Variants in UNC80 observed in about 807,000 individuals in gnomAD.
UNC80 encodes the protein protein unc-80 homolog.
A neutral mutation model predicts 384.6 loss-of-function variants in UNC80; 164 were observed. The observed-to-expected ratio is 0.43, with a 90% confidence interval of 0.38 to 0.49. UNC80 has a LOEUF of 0.49. Among genes scored for constraint, UNC80 ranks in the 20% least tolerant of loss-of-function variants. UNC80 has a pLI of 0.00. For missense variants in UNC80, 3,330 were observed against 4,143.0 expected (o/e 0.80, Z 5.39); for synonymous variants, 1,486 against 1,527.8 (o/e 0.97, Z 0.64).
At chr2:209,877,172 T>C (rs1001894894) in intron 23 of UNC80, among the ~76,000 whole-genome samples, 1 of 152,156 alleles carries the variant, frequency 6.6e-6, no homozygotes, top group African/African-American at 2.4e-5. Context: ...TTGCATGCAG[T>C]ATATAATTGG....
chr2:209,960,293 C>A (rs1047325322), intron 51 of UNC80, among the ~76,000 whole-genome samples: 7 of 152,206 alleles, frequency 4.6e-5, no homozygotes, highest in Non-Finnish European at 1.0e-4. Flanking sequence ...ACATGTTTTA[C>A]TCTTAGTGTG....
chr2:209,871,855 G>C (rs576994042), intron 22 of UNC80, among the ~76,000 whole-genome samples: 20 of 147,664 alleles, frequency 1.4e-4, no homozygotes, highest in Middle Eastern at 3.6e-3. Context: ...ACAAGGTGGA[G>C]CCATGTCTTT....
chr2:209,938,446 A>G lies in UNC80; in HGVS notation c.6465+816A>G, dbSNP rs376661207. On this transcript the variant is annotated intron_variant, in intron 42 of 64. Transcript: ENST00000673920. ...TCTTCATGAAATGGGTGAGCATCGC[A>G]TAGAATTAGACCACTTAAGTAATTA... Among the ~76,000 whole-genome samples, 19 of 152,344 alleles carry G rather than the reference A, an allele frequency of 1.2e-4. 1 individual carries two copies. In the East Asian group the frequency reaches 3.7e-3, roughly 29 times the overall value.
At chr2:209,973,296 CTGTT>C (rs1415984020) in intron 56 of UNC80, 26 bp downstream of exon 56, 4 of 1,488,426 alleles carry the variant, frequency 2.7e-6, no homozygotes, top group Admixed American at 2.0e-5. Context: ...CTCTCTCTCT[CTGTT>C]TGTGCATGTG....
chr2:209,814,986 AAGAG>A, intron 8 of UNC80, among the ~76,000 whole-genome samples: 1 of 152,122 alleles, frequency 6.6e-6, no homozygotes, highest in South Asian at 2.1e-4. Context: ...TTAAAAAAAA[AAGAG>A]AGATCCATCT....
At chr2:209,949,172 T>C (rs1034591400) in intron 47 of UNC80, among the ~76,000 whole-genome samples, 6 of 152,204 alleles carry the variant, frequency 3.9e-5, no homozygotes, top group Non-Finnish European at 7.3e-5. Flanking sequence ...AAAGGTCTTA[T>C]CTAATGAATT....
intron 56 of UNC80, among the ~76,000 whole-genome samples, chr2:209,973,574 C>G (rs1323528047): frequency 1.3e-5 from 2 of 152,158 alleles, no homozygotes; most frequent in Non-Finnish European, 2.9e-5. Context: ...AATTACTTGG[C>G]TGTTTTATAT....
At chr2:209,922,516 A>T in intron 35 of UNC80, 133 bp downstream of exon 35, 2 of 1,147,888 alleles carry the variant, frequency 1.7e-6, no homozygotes, top group Non-Finnish European at 2.4e-6. Context: ...ATTCTAAAAA[A>T]AATTAGCATG....
intron 3 of UNC80, 117 bp from the exon 4 acceptor site, chr2:209,777,141 G>A: frequency 8.5e-7 from 1 of 1,182,410 alleles, no homozygotes; most frequent in Admixed American, 2.5e-5. Context: ...AGCCCTGCTA[G>A]CAGTGGTTGT....
chr2:209,990,027 A>G (rs1015466897), intron 61 of UNC80, among the ~76,000 whole-genome samples: 20 of 152,188 alleles, frequency 1.3e-4, no homozygotes, highest in African/African-American at 4.3e-4. Context: ...GAAATGCTGT[A>G]TCATTTACAG....
At chr2:209,907,432 G>A (rs1035364023) in intron 29 of UNC80, among the ~76,000 whole-genome samples, 1 of 152,066 alleles carries the variant, frequency 6.6e-6, no homozygotes, top group Admixed American at 6.6e-5. Flanking sequence ...GAGCTACACC[G>A]TGCTAAGAGA....
chr2:209,849,017 CTGTACCCAA>C (rs1024977784), intron 21 of UNC80, among the ~76,000 whole-genome samples: 1 of 152,114 alleles, frequency 6.6e-6, no homozygotes, highest in African/African-American at 2.4e-5. Flanking sequence ...GTACAGCATG[CTGTACCCAA>C]TGTACACATT....
chr2:209,946,547 A>C (rs1470514650), intron 47 of UNC80, among the ~76,000 whole-genome samples: 2 of 152,220 alleles, frequency 1.3e-5, no homozygotes, highest in East Asian at 3.8e-4. Flanking sequence ...CCTCACAAGT[A>C]ATGTGAATTA....
intron 29 of UNC80, among the ~76,000 whole-genome samples, chr2:209,910,700 TG>T (rs1455686088): frequency 1.4e-5 from 2 of 147,702 alleles, no homozygotes; most frequent in African/African-American, 4.9e-5. Context: ...TGTATCTGCC[TG>T]GTTAAAATTC....
intron 4 of UNC80, among the ~76,000 whole-genome samples, chr2:209,778,104 T>A (rs527320173): frequency 6.6e-6 from 1 of 152,322 alleles, no homozygotes; most frequent in Non-Finnish European, 1.5e-5. Context: ...TCTCTTATAA[T>A]ACAGGGTCTA....
intron 7 of UNC80, 122 bp downstream of exon 7, chr2:209,793,981 A>T (rs1574470398): frequency 8.6e-6 from 10 of 1,157,400 alleles, no homozygotes; most frequent in African/African-American, 1.5e-5. Flanking sequence ...ATGTGTATAC[A>T]TATTCTTGGT....
At chr2:209,879,499 A>G (rs2085086833) in intron 24 of UNC80, among the ~76,000 whole-genome samples, 1 of 152,180 alleles carries the variant, frequency 6.6e-6, no homozygotes, top group Non-Finnish European at 1.5e-5. Flanking sequence ...ATAGCCCTGA[A>G]AGAGCCTAGA....
At chr2:209,785,960 A>T (rs2077403341) in intron 4 of UNC80, 106 bp from the exon 5 acceptor site, 1 of 1,286,884 alleles carries the variant, frequency 7.8e-7, no homozygotes. Context: ...AGATAAATTC[A>T]CTCTGAAAAT....
chr2:209,941,131 A>G, intron 43 of UNC80, 90 bp from the exon 44 acceptor site: 1 of 1,397,266 alleles, frequency 7.2e-7, no homozygotes, highest in Non-Finnish European at 9.4e-7. Context: ...GAACAAACGG[A>G]GAACAGCAGC....
Sources: gnomAD v4.1 joint callset for allele counts (sites outside exome capture counted in the v4.1 genomes callset) on GRCh38, gnomAD v4.1.1 for gene constraint, MANE v1.5 for transcripts, NCBI Gene and HGNC (gene_info 2026-07-23, HGNC 2026-07-21) for gene names.